AHI1: variants seen among roughly 807,000 people sequenced by gnomAD.
AHI1 encodes Abelson helper integration site 1.
In AHI1, 123 loss-of-function variants were observed where a neutral mutation model predicts 149.3. The observed-to-expected ratio is 0.82, with a 90% CI of 0.71 to 0.96. AHI1 has a LOEUF of 0.96. Among genes scored for constraint, AHI1 ranks in the 40% least tolerant of loss-of-function variants. The pLI is 0.00. For missense variants in AHI1, 1,439 were observed against 1,422.7 expected (o/e 1.01, Z -0.18); for synonymous variants, 475 against 459.8 (o/e 1.03, Z -0.42).
Position 135,492,311 on chromosome 6 carries a change from G to A in AHI1, c.-54-20C>T, listed in dbSNP as rs950234654. The stretch of plus-strand genomic sequence containing the variant: ...AGGATCCTATCGAAACAAAGGAGAT[G>A]TATTTGTAATATGGAACTTCCAAAT... On this transcript the variant is annotated intron_variant, in intron 3 of 28. Transcript: ENST00000265602. The A allele has an allele frequency of 4.1e-6, 6 of 1,474,042 alleles. No homozygotes were observed. In the African/African-American group the frequency reaches 5.7e-5, roughly 14 times the overall value. 91.3% of individuals were successfully genotyped at this position (1,474,042 alleles called of 1,614,324 possible). A position where few individuals can be genotyped will look rare whatever the true frequency, so the allele number is the denominator to read the frequency against.
rs557919576 is a variant in AHI1 at position 135,407,165 on chromosome 6, T to C, written c.2962-2188A>G. ...CATTAATGCCTAAACACCTATTATA[T>C]ACCTGCTGAACTGAATTTATTATGC... On this transcript the variant is annotated intron_variant, in intron 21 of 28. Coordinates refer to ENST00000265602, the MANE Select transcript of AHI1 (RefSeq NM_001134831.2). Among the ~76,000 whole-genome samples the C allele has an allele frequency of 1.1e-4, 16 of 152,302 alleles. No individual in the cohort carries two copies. In the South Asian group the frequency reaches 3.3e-3, roughly 32 times the overall value.
chr6:135,324,462 T>C (rs1787337972), intron 24 of AHI1, among the ~76,000 whole-genome samples: 1 of 151,810 alleles, frequency 6.6e-6, no homozygotes, highest in Non-Finnish European at 1.5e-5. Flanking sequence ...ACATTTATGC[T>C]GTTTTCCCCT....
rs758400382 is a variant in AHI1, at chr6:135,394,816, G to C, written c.3069C>G (p.Thr1023=). The change falls in exon 23 of 29, where the codon ACC becomes ACG. Residue 1023 remains threonine (T), a synonymous_variant. Coordinates refer to ENST00000265602, the MANE Select transcript of AHI1 (RefSeq NM_001134831.2). ...CAAACTGATGTAGAATCTCTTGAGC[G>C]GTCAGCATGTTTGACTGCTTTAACT... ...QSKLKQSNML[T]AQEILHQFGF... 1.9e-6 allele frequency: 3 copies of C among 1,608,976 alleles called. No individual in the cohort carries two copies. In the African/African-American group the frequency reaches 4.0e-5, roughly 22 times the overall value.
chr6:135,471,742 G>A (rs1583406981), intron 5 of AHI1, among the ~76,000 whole-genome samples: 2 of 152,140 alleles, frequency 1.3e-5, no homozygotes, highest in South Asian at 4.1e-4. Flanking sequence ...GCCGGGCGCG[G>A]TGGCTCACGC....
intron 3 of AHI1, among the ~76,000 whole-genome samples, chr6:135,494,763 A>G (rs1190969572): frequency 6.6e-6 from 1 of 152,236 alleles, no homozygotes; most frequent in Admixed American, 6.5e-5. Context: ...TAAAAAGCCA[A>G]TGAGAATCCT....
At position 135,300,340 on chromosome 6, in the gene AHI1, AG is replaced by A. The variant is rs376389888; in HGVS notation, c.3485+159del. Among the ~76,000 whole-genome samples, 4,497 of 136,370 alleles carry A rather than the reference AG, an allele frequency of 0.033. 204 individuals are homozygous for A. The highest frequency in any genetic ancestry group is 0.15 in the African/African-American group (4,233 of 27,582). The allele number at this position is 136,370 out of a possible 152,430, so 89.5% of individuals were successfully genotyped here. A position where few individuals can be genotyped will look rare whatever the true frequency, so the allele number is the denominator to read the frequency against. ...ACTCTGTCTCCAAAAAAAAAAAAAA[AG>A]AAAAAAAAATCGTAAACAAGCTAAA... On this transcript the variant is annotated intron_variant, in intron 27 of 28. Transcript: ENST00000265602.
intron 23 of AHI1, among the ~76,000 whole-genome samples, chr6:135,362,545 T>G (rs760530413): frequency 3.9e-5 from 6 of 152,310 alleles, no homozygotes; most frequent in Middle Eastern, 3.4e-3. Context: ...ATTTTTTGAT[T>G]ATGGCCATTA....
chr6:135,340,683 A>G (rs912683963), intron 24 of AHI1, among the ~76,000 whole-genome samples: 5 of 134,472 alleles, frequency 3.7e-5, no homozygotes, highest in African/African-American at 8.9e-5. Context: ...ATATATATAT[A>G]TATATATATA....
intron 15 of AHI1, 32 bp downstream of exon 15, chr6:135,438,343 C>G (rs1196803153): frequency 6.5e-7 from 1 of 1,534,490 alleles, no homozygotes. Context: ...CAGCAAACAG[C>G]ATGCACATAA....
At chr6:135,422,764 A>T (rs1202073401) in intron 20 of AHI1, among the ~76,000 whole-genome samples, 2 of 151,730 alleles carry the variant, frequency 1.3e-5, no homozygotes. Context: ...TGTTGAGATT[A>T]CAAGTGTGAG....
intron 23 of AHI1, among the ~76,000 whole-genome samples, chr6:135,394,229 T>C (rs1187670789): frequency 6.6e-6 from 1 of 152,068 alleles, no homozygotes; most frequent in Non-Finnish European, 1.5e-5. Flanking sequence ...TAGATGTTTT[T>C]CCTTTGACAT....
At chr6:135,416,106 C>T (rs1463336570) in intron 20 of AHI1, among the ~76,000 whole-genome samples, 1 of 152,028 alleles carries the variant, frequency 6.6e-6, no homozygotes, top group East Asian at 1.9e-4. Flanking sequence ...TCAGATAGTA[C>T]ATTTAAATAG....
intron 23 of AHI1, among the ~76,000 whole-genome samples, chr6:135,386,396 C>T (rs1410807405): frequency 3.9e-5 from 6 of 151,908 alleles, no homozygotes; most frequent in Non-Finnish European, 5.9e-5. Context: ...CTGCAAGCTC[C>T]GCCTCCCGGG....
chr6:135,440,307 C>T (rs1044571964), intron 14 of AHI1, among the ~76,000 whole-genome samples: 4 of 152,036 alleles, frequency 2.6e-5, no homozygotes, highest in East Asian at 1.9e-4. Context: ...CAAAACAACC[C>T]GTGGCATCAT....
intron 22 of AHI1, among the ~76,000 whole-genome samples, chr6:135,404,676 G>A (rs1201186347): frequency 2.6e-5 from 4 of 152,142 alleles, no homozygotes; most frequent in African/African-American, 9.7e-5. Context: ...TTTTCTCAGA[G>A]AATGACATGA....
intron 5 of AHI1, among the ~76,000 whole-genome samples, chr6:135,482,894 C>CTTTTTTCTTTTTTTTTTTTTTT (rs1793904845): frequency 1.8e-5 from 1 of 55,734 alleles, no homozygotes; most frequent in Non-Finnish European, 2.8e-5. Flanking sequence ...CCATTTAAGG[C>CTTTTTTCTTTTTTTTTTTTTTT]TTTTTTTTTT....
At chr6:135,472,608 C>T (rs927295632) in intron 5 of AHI1, among the ~76,000 whole-genome samples, 1 of 152,186 alleles carries the variant, frequency 6.6e-6, no homozygotes, top group Non-Finnish European at 1.5e-5. Flanking sequence ...GCATTTTTAT[C>T]AGCAATTTCT....
At chr6:135,462,118 C>A (rs1482096501) in intron 8 of AHI1, among the ~76,000 whole-genome samples, 2 of 151,834 alleles carry the variant, frequency 1.3e-5, no homozygotes, top group African/African-American at 4.8e-5. Context: ...CTATATATAT[C>A]TATATACACA....
intron 8 of AHI1, among the ~76,000 whole-genome samples, chr6:135,461,172 T>C (rs908590749): frequency 6.6e-6 from 1 of 152,026 alleles, no homozygotes; most frequent in African/African-American, 2.4e-5. Flanking sequence ...TATTTATATC[T>C]GAGAATAATC....
Sources: gnomAD v4.1 joint callset for allele counts (sites outside exome capture counted in the v4.1 genomes callset) on GRCh38, gnomAD v4.1.1 for gene constraint, MANE v1.5 for transcripts, NCBI Gene and HGNC (gene_info 2026-07-23, HGNC 2026-07-21) for gene names.